The following B4GALT7 variants were observed in gnomAD, a reference collection of about 807,000 sequenced individuals.
B4GALT7 encodes UDP-Gal:beta-GlcNAc beta-1,4-galactosyltransferase 7.
In B4GALT7, 30 loss-of-function variants were observed where a neutral mutation model predicts 33.0. That is an observed-to-expected ratio of 0.91 (90% CI 0.68 to 1.23). The LOEUF is 1.23. Ranked by LOEUF, B4GALT7 falls within the 50% of genes most tolerant of loss-of-function variation. The pLI is 0.00. For missense variants in B4GALT7, 507 were observed against 450.8 expected, an observed-to-expected ratio of 1.12 and a Z score of -1.13; for synonymous variants, 213 against 187.2, an observed-to-expected ratio of 1.14 and a Z score of -1.13.
intron 2 of B4GALT7, 134 bp downstream of exon 2, chr5:177,604,675 A>G (rs1767936893): frequency 8.5e-7 from 1 of 1,182,480 alleles, no homozygotes; most frequent in East Asian, 2.4e-5. Context: ...TGTGACAGGA[A>G]CCTTTGGAGA....
chr5:177,601,565 T>C (rs1248167465), intron 1 of B4GALT7: 1 of 152,284 alleles, frequency 6.6e-6, no homozygotes, highest in African/African-American at 2.4e-5. Flanking sequence ...AGAAATTTAC[T>C]GATGTCAATT....
At position 177,607,542 on chromosome 5, in the gene B4GALT7, G is replaced by A; in HGVS notation, c.639+15G>A. ...ACTACCGGCTGGTGAGGCCCGGACA[G>A]CCTGCTCTGCTCAGAGCCGGGAGCT... On this transcript the variant is annotated intron_variant, in intron 3 of 5. Coordinates refer to ENST00000029410, the MANE Select transcript of B4GALT7 (RefSeq NM_007255.3). 6.2e-7 allele frequency: 1 copy of A among 1,605,902 alleles called. No homozygotes were observed. Among genetic ancestry groups the A allele is most frequent in the Non-Finnish European group, 8.5e-7 (1 of 1,177,678 alleles).
chr5:177,604,337 G>C lies in B4GALT7; in HGVS notation c.209G>C (p.Gly70Ala). ...AVRGQGQETS[G>A]PPRACPPEPP... ...AGGGGACAAGGGCAGGAGACCTCGG[G>C]CCCTCCCCGTGCCTGCCCCCCAGAG... The change falls in exon 2 of 6, where the codon GGC becomes GCC. Residue 70 changes from glycine to alanine, a missense_variant. Physicochemically the swap from Gly to Ala is moderately conservative, Grantham distance 60 (BLOSUM62 0). Transcript: ENST00000029410. 1 of 1,610,622 alleles carries C rather than the reference G, an allele frequency of 6.2e-7. No individual in the cohort carries two copies. The highest frequency in any genetic ancestry group is 8.5e-7 in the Non-Finnish European group (1 of 1,178,522).
rs886748984 is a variant in B4GALT7, at chr5:177,600,228, G to A, written c.18G>A (p.Arg6=). The A allele has an allele frequency of 7.2e-7, 1 of 1,395,040 alleles. No homozygotes were observed. The highest frequency in any genetic ancestry group is 2.6e-5 in the Admixed American group (1 of 38,282). 86.4% of individuals were successfully genotyped at this position (1,395,040 alleles called of 1,614,324 possible). Residue 6 remains arginine, a synonymous_variant, in exon 1 of 6, where the codon AGG becomes AGA. Transcript: ENST00000029410. This position sits in a 1 kb window ranked among gnomAD's most constrained non-coding sequence, Gnocchi z 4.4. Reference sequence around the variant, plus strand: ...TCCGCACGATGTTCCCCTCGCGGAGGAAAGCGGCGCAGCTGCCCTGGGAGG... The same window carrying A: ...TCCGCACGATGTTCCCCTCGCGGAGAAAAGCGGCGCAGCTGCCCTGGGAGG... The part of the protein sequence containing the change: MFPSR[R]KAAQLPWEDG...
chr5:177,607,843 G>C (rs1768059934), intron 3 of B4GALT7: 1 of 455,222 alleles, frequency 2.2e-6, no homozygotes, highest in Non-Finnish European at 4.1e-6. Flanking sequence ...GCATCTCCCA[G>C]CTCTCCTTCC....
At position 177,606,933 on chromosome 5, in the gene B4GALT7, C is replaced by A. The variant is rs191470288; in HGVS notation, c.414-369C>A. 1.9e-5 allele frequency: 7 copies of A among 373,302 alleles called. No individual in the cohort carries two copies. The highest frequency in any genetic ancestry group is 3.6e-5 in the Non-Finnish European group (7 of 192,744). 23.1% of individuals were successfully genotyped at this position (373,302 alleles called of 1,614,324 possible). A position where few individuals can be genotyped will look rare whatever the true frequency, so the allele number is the denominator to read the frequency against. The stretch of plus-strand genomic sequence containing the variant: ...CCCTGGCCCTCCCTGACGGCCCCAC[C>A]GAGGACAAGAGCCACCTCCACCCCC... On this transcript the variant is annotated intron_variant, in intron 2 of 5. Transcript: ENST00000029410. This position sits in a 1 kb window ranked among gnomAD's most constrained non-coding sequence, Gnocchi z 4.2.
intron 2 of B4GALT7, chr5:177,605,760 C>T (rs1767984663): frequency 6.5e-6 from 1 of 152,682 alleles, no homozygotes; most frequent in Non-Finnish European, 1.5e-5. Context: ...AAAAGACTCC[C>T]TGGATCCCAC....
chr5:177,607,235 G>A (rs1173669730), intron 2 of B4GALT7, 67 bp from the exon 3 acceptor site: 4 of 1,427,208 alleles, frequency 2.8e-6, no homozygotes, highest in East Asian at 2.5e-5. Flanking sequence ...GGACCCCCGG[G>A]TGGGTGCTGA....
rs116006510 is a variant in B4GALT7, at chr5:177,609,766, G to A, written c.*71G>A. On this transcript the variant is annotated 3_prime_UTR_variant, in exon 6 of 6. Coordinates refer to ENST00000029410, the MANE Select transcript of B4GALT7 (RefSeq NM_007255.3). ...CAGGCTCAGGACAAGGCCTCAGGTC[G>A]TGGGCCCAGCTCTGACAGGATGTGG... 338 of 1,538,502 alleles carry A rather than the reference G, an allele frequency of 2.2e-4. 1 individual carries two copies. In the African/African-American group the frequency reaches 3.8e-3, roughly 17 times the overall value.
rs1178512025 is a variant in B4GALT7 at position 177,608,942 on chromosome 5, C to G, written c.756C>G (p.Tyr252Ter). 1.2e-6 allele frequency: 2 copies of G among 1,613,772 alleles called. No individual in the cohort carries two copies. Among genetic ancestry groups the G allele is most frequent in the Non-Finnish European group, 1.7e-6 (2 of 1,179,988 alleles). Reference protein sequence around the residue: ...LFRPSGITTGYKTFRHLHDPA... With the variant: ...LFRPSGITTG The stretch of plus-strand genomic sequence containing the variant: ...GCCCCTCGGGAATCACAACTGGGTA[C>G]AAGACATTTCGCCACCTGCATGACC... The change falls in exon 5 of 6, where the codon TAC (tyrosine) becomes TAG (stop). Residue 252 changes from tyrosine to a stop codon, truncating the protein, a stop_gained. Transcript: ENST00000029410. LOFTEE classifies it high-confidence loss of function. This position sits in a 1 kb window ranked among gnomAD's most constrained non-coding sequence, Gnocchi z 4.1.
rs905052660 is a variant in B4GALT7, at chr5:177,608,498, C to A, written c.640-41C>A. 6.4e-7 allele frequency: 1 copy of A among 1,568,250 alleles called. No individual in the cohort carries two copies. The highest frequency in any genetic ancestry group is 1.7e-5 in the Admixed American group (1 of 59,388). ...GTAGGAGACCAAAGGCCCCCCCCCCCGGGAAGATGGGCCGAGTGACGCTGC... is the reference window on the plus strand; with the variant it reads ...GTAGGAGACCAAAGGCCCCCCCCCCAGGGAAGATGGGCCGAGTGACGCTGC... On this transcript the variant is annotated intron_variant, in intron 3 of 5. Transcript: ENST00000029410. This position sits in a 1 kb window ranked among gnomAD's most constrained non-coding sequence, Gnocchi z 4.1.
In B4GALT7 at chr5:177,609,748, A is replaced by C; in HGVS notation, c.*53A>C. On this transcript the variant is annotated 3_prime_UTR_variant, in exon 6 of 6. Transcript: ENST00000029410. ...CCTACAGGCCATATTGCTCAGGCTC[A>C]GGACAAGGCCTCAGGTCGTGGGCCC... 1.9e-6 allele frequency: 3 copies of C among 1,553,302 alleles called. No individual in the cohort carries two copies. The highest frequency in any genetic ancestry group is 2.6e-6 in the Non-Finnish European group (3 of 1,147,756).
intron 3 of B4GALT7, 66 bp downstream of exon 3, chr5:177,607,593 G>C: frequency 6.7e-7 from 1 of 1,483,818 alleles, no homozygotes; most frequent in East Asian, 2.3e-5. Context: ...GTGGTGGGAA[G>C]GATGGGGCAG....
At chr5:177,609,428 T>C (rs755153439) in intron 5 of B4GALT7, 112 bp from the exon 6 acceptor site, 52 of 1,374,862 alleles carry the variant, frequency 3.8e-5, no homozygotes, top group Non-Finnish European at 4.8e-5. Flanking sequence ...CTCTGGGTTC[T>C]TCCTCTCCAG....
At position 177,609,946 on chromosome 5, in the gene B4GALT7, CCT is replaced by C. The variant is rs1768132235; in HGVS notation, c.*252_*253del. Reference sequence around the variant, plus strand: ...GGGGTGTGTCCTGTCCGGGACCCCCCCTGCCTTCCTGCTCACCCTACTCTGAC... The same window carrying C: ...GGGGTGTGTCCTGTCCGGGACCCCCCGCCTTCCTGCTCACCCTACTCTGAC... On this transcript the variant is annotated 3_prime_UTR_variant, in exon 6 of 6. Coordinates refer to ENST00000029410, the MANE Select transcript of B4GALT7 (RefSeq NM_007255.3). The C allele has an allele frequency of 1.8e-6, 1 of 554,914 alleles. No individual in the cohort carries two copies. The highest frequency in any genetic ancestry group is 3.2e-6 in the Non-Finnish European group (1 of 307,974). The allele number at this position is 554,914 out of a possible 1,614,324, so 34.4% of individuals were successfully genotyped here. A position where few individuals can be genotyped will look rare whatever the true frequency, so the allele number is the denominator to read the frequency against.
rs761031933 is a variant in B4GALT7 at position 177,606,424 on chromosome 5, CCTT to C, written c.414-875_414-873del. On this transcript the variant is annotated intron_variant, in intron 2 of 5. Coordinates refer to ENST00000029410, the MANE Select transcript of B4GALT7 (RefSeq NM_007255.3). The surrounding 1 kb of genome is among the most constrained non-coding windows in gnomAD (Gnocchi z 4.2). Reference sequence around the variant, plus strand: ...AGCCCGGGGGTCATCCTCAGCTGCTCCTTCTCTGTCATACACTGCGTCCTATTC... The same window carrying C: ...AGCCCGGGGGTCATCCTCAGCTGCTCCTCTGTCATACACTGCGTCCTATTC... 6.6e-6 allele frequency: 1 copy of C among 152,576 alleles called. No homozygotes were observed. Among genetic ancestry groups the C allele is most frequent in the Non-Finnish European group, 1.5e-5 (1 of 68,312 alleles). 9.5% of individuals were successfully genotyped at this position (152,576 alleles called of 1,614,324 possible). A position where few individuals can be genotyped will look rare whatever the true frequency, so the allele number is the denominator to read the frequency against.
Position 177,608,732 on chromosome 5 carries a change from T to A in B4GALT7, c.723+110T>A. On this transcript the variant is annotated intron_variant, in intron 4 of 5. Coordinates refer to ENST00000029410, the MANE Select transcript of B4GALT7 (RefSeq NM_007255.3). This position sits in a 1 kb window ranked among gnomAD's most constrained non-coding sequence, Gnocchi z 4.1. ...GGTCTGGAGATGGCCCTGATTCTGA[T>A]CCCTGCCCTAACCCTGCCCTGCATG... The A allele has an allele frequency of 8.3e-7, 1 of 1,201,876 alleles. No homozygotes were observed. The highest frequency in any genetic ancestry group is 1.2e-5 in the South Asian group (1 of 80,104). The allele number at this position is 1,201,876 out of a possible 1,614,324, so 74.5% of individuals were successfully genotyped here.
At chr5:177,601,592 G>C (rs1767853213) in intron 1 of B4GALT7, 1 of 152,260 alleles carries the variant, frequency 6.6e-6, no homozygotes. Flanking sequence ...TTTTGACACA[G>C]GGTTGGTGCA....
Position 177,608,653 on chromosome 5 carries a change from A to G in B4GALT7, c.723+31A>G, listed in dbSNP as rs1561816212. 2 of 1,591,520 alleles carry G rather than the reference A, an allele frequency of 1.3e-6. No individual in the cohort carries two copies. Among genetic ancestry groups the G allele is most frequent in the Non-Finnish European group, 8.6e-7 (1 of 1,161,562 alleles). On this transcript the variant is annotated intron_variant, in intron 4 of 5. Transcript: ENST00000029410. This position sits in a 1 kb window ranked among gnomAD's most constrained non-coding sequence, Gnocchi z 4.1. The stretch of plus-strand genomic sequence containing the variant: ...ATTCCCCGGGCCCCGCCGCCACCTC[A>G]GCTGCGGTGGCTGCCCTGAGATTTT...
Sources: allele counts gnomAD v4.1 joint callset, GRCh38; gene constraint gnomAD v4.1.1; non-coding constraint Gnocchi (gnomAD v3.1); transcripts MANE v1.5; gene names NCBI Gene and HGNC (gene_info 2026-07-23, HGNC 2026-07-21).